The following SGCD variants were observed in gnomAD, a reference collection of about 807,000 sequenced individuals.
SGCD encodes the protein sarcoglycan delta, also known as delta-sarcoglycan.
Under a neutral mutation model 36.6 loss-of-function variants are expected in SGCD, and 18 were observed. The observed-to-expected ratio is 0.49, with a 90% confidence interval of 0.34 to 0.73. SGCD has a LOEUF of 0.73. Ranked by LOEUF, SGCD falls within the 30% of genes least tolerant of loss-of-function variation. The probability of loss-of-function intolerance (pLI) is 0.01; values close to 1 mark genes in which losing one functional copy is unlikely to be tolerated. For synonymous variants in SGCD, 133 were observed against 130.6 expected (o/e 1.02, Z -0.12); for missense variants, 387 against 346.7 (o/e 1.12, Z -0.92).
chr5:156,566,861 A>G (rs183107162), intron 4 of SGCD, among the ~76,000 whole-genome samples: 114 of 152,288 alleles, frequency 7.5e-4, no homozygotes, highest in Non-Finnish European at 1.0e-3. Context: ...AAGGAAATTG[A>G]AAGGAAAATG....
the SGCD span, among the ~76,000 whole-genome samples, chr5:155,816,459 A>G: frequency 6.6e-6 from 1 of 152,208 alleles, no homozygotes; most frequent in Non-Finnish European, 1.5e-5. Context: ...AAAGATCTTC[A>G]TCCTTGTTGA....
At chr5:156,208,735 G>T (rs1260615874) in intron 3 of SGCD, among the ~76,000 whole-genome samples, 1 of 152,032 alleles carries the variant, frequency 6.6e-6, no homozygotes, top group Admixed American at 6.6e-5. Flanking sequence ...ATATTCTTCT[G>T]CTCTGGTGCT....
chr5:156,519,558 A>G (rs560597520), intron 4 of SGCD, among the ~76,000 whole-genome samples: 32 of 152,226 alleles, frequency 2.1e-4, no homozygotes, highest in African/African-American at 7.5e-4. Flanking sequence ...TAGGAGAGAT[A>G]CAACAAAAAA....
chr5:156,487,674 G>A (rs1030741079), intron 3 of SGCD, among the ~76,000 whole-genome samples: 1 of 150,418 alleles, frequency 6.6e-6, no homozygotes, highest in Non-Finnish European at 1.5e-5. Flanking sequence ...TATAATCCCA[G>A]CTATTCAGGA....
the SGCD span, among the ~76,000 whole-genome samples, chr5:155,756,520 C>A: frequency 3.3e-5 from 5 of 152,202 alleles, no homozygotes; most frequent in African/African-American, 1.2e-4. Context: ...CACACAAAGC[C>A]CGGTTACTTT....
chr5:156,006,165 A>T (rs1758757834), intron 1 of SGCD, among the ~76,000 whole-genome samples: 1 of 152,166 alleles, frequency 6.6e-6, no homozygotes, highest in Non-Finnish European at 1.5e-5. Context: ...TCATTATATG[A>T]TACTGTTGGA....
chr5:156,071,896 G>C (rs567442744), intron 1 of SGCD, among the ~76,000 whole-genome samples: 1 of 152,142 alleles, frequency 6.6e-6, no homozygotes, highest in South Asian at 2.1e-4. Flanking sequence ...GGCCTTCTTT[G>C]TCTCTTTTGA....
At chr5:155,993,762 G>T (rs1249785697) in intron 1 of SGCD, among the ~76,000 whole-genome samples, 8 of 152,144 alleles carry the variant, frequency 5.3e-5, no homozygotes. Context: ...CCATGTGGGG[G>T]CCAGTTTGGT....
At chr5:155,820,628 T>A in the SGCD span, among the ~76,000 whole-genome samples, 6 of 151,962 alleles carry the variant, frequency 3.9e-5, no homozygotes, top group Non-Finnish European at 8.8e-5. Flanking sequence ...GCCCAGGAGG[T>A]CAAGGCGGCA....
chr5:156,393,908 C>T (rs1315343776), intron 3 of SGCD: 8 of 444,512 alleles, frequency 1.8e-5, no homozygotes, highest in East Asian at 7.1e-5. Flanking sequence ...AAATGTTGGT[C>T]GTTGACACTC....
At chr5:156,598,478 G>T (rs1000308911) in intron 6 of SGCD, among the ~76,000 whole-genome samples, 1 of 152,200 alleles carries the variant, frequency 6.6e-6, no homozygotes, top group Admixed American at 6.5e-5. Context: ...GGTGGTGGAG[G>T]TTGCAGAGAG....
intron 3 of SGCD, among the ~76,000 whole-genome samples, chr5:156,496,353 T>C (rs193099762): frequency 2.6e-5 from 4 of 152,194 alleles, no homozygotes; most frequent in South Asian, 4.1e-4. Context: ...AGGATGATCT[T>C]TAATGTGTAG....
chr5:156,051,141 A>C (rs2127581146), intron 1 of SGCD, among the ~76,000 whole-genome samples: 1 of 146,708 alleles, frequency 6.8e-6, no homozygotes, highest in African/African-American at 2.4e-5. Flanking sequence ...TACATTATGA[A>C]ATTTGATAAA....
chr5:155,957,780 A>C (rs1757694101), intron 1 of SGCD, among the ~76,000 whole-genome samples: 1 of 152,128 alleles, frequency 6.6e-6, no homozygotes, highest in African/African-American at 2.4e-5. Context: ...CTGCTCCCTT[A>C]GTTCTCCTTT....
intron 1 of SGCD, among the ~76,000 whole-genome samples, chr5:155,918,298 C>G (rs1049597484): frequency 6.6e-6 from 1 of 152,212 alleles, no homozygotes; most frequent in Non-Finnish European, 1.5e-5. Context: ...CACAGTGGCT[C>G]ACGCCTGTAA....
chr5:155,952,896 A>G (rs894523685), intron 1 of SGCD, among the ~76,000 whole-genome samples: 9 of 152,186 alleles, frequency 5.9e-5, no homozygotes, highest in African/African-American at 2.2e-4. Context: ...CTTTAATTAA[A>G]TGATTAGATG....
intron 3 of SGCD, among the ~76,000 whole-genome samples, chr5:156,195,924 C>G (rs1764014551): frequency 6.6e-6 from 1 of 152,166 alleles, no homozygotes; most frequent in East Asian, 1.9e-4. Context: ...CATCTTATTC[C>G]CATACTCCCA....
At chr5:156,036,632 A>C (rs1759504834) in intron 1 of SGCD, among the ~76,000 whole-genome samples, 1 of 152,156 alleles carries the variant, frequency 6.6e-6, no homozygotes, top group South Asian at 2.1e-4. Flanking sequence ...ACTGTTATTT[A>C]AGCTTTTTTT....
chr5:156,346,152 G>A (rs948428829), intron 3 of SGCD, among the ~76,000 whole-genome samples: 1 of 152,008 alleles, frequency 6.6e-6, no homozygotes, highest in Non-Finnish European at 1.5e-5. Context: ...CAAGGTTACA[G>A]ATACTGCTTC....
Sources: gnomAD v4.1 joint callset for allele counts (sites outside exome capture counted in the v4.1 genomes callset) on GRCh38, gnomAD v4.1.1 for gene constraint, MANE v1.5 for transcripts, NCBI Gene and HGNC (gene_info 2026-07-23, HGNC 2026-07-21) for gene names.